The following ZNF92 variants were observed in gnomAD, a reference collection of about 807,000 sequenced individuals.
ZNF92 encodes the protein epididymis luminal protein 203.
A neutral mutation model predicts 12.4 loss-of-function variants in ZNF92; 11 were observed. The observed-to-expected ratio is 0.89, with a 90% CI of 0.56 to 1.47. The LOEUF is 1.47. Ranked by LOEUF, ZNF92 falls within the 40% of genes most tolerant of loss-of-function variation. The probability of loss-of-function intolerance (pLI) is 0.00; values close to 1 mark genes in which losing one functional copy is unlikely to be tolerated. For missense variants in ZNF92, 622 were observed against 681.0 expected (o/e 0.91, Z 0.96); for synonymous variants, 206 against 228.6 (o/e 0.90, Z 0.89).
intron 1 of ZNF92, among the ~76,000 whole-genome samples, chr7:65,387,353 G>C (rs1793597049): frequency 6.6e-6 from 1 of 151,924 alleles, no homozygotes; most frequent in Non-Finnish European, 1.5e-5. Flanking sequence ...GAAAATGAAG[G>C]CTCTCGTCTT....
chr7:65,390,475 A>G (rs992044967), intron 3 of ZNF92, among the ~76,000 whole-genome samples: 14 of 152,102 alleles, frequency 9.2e-5, no homozygotes, highest in Non-Finnish European at 4.4e-5. Context: ...CTGGGTTTGT[A>G]GTGGAGAGGG....
intron 3 of ZNF92, among the ~76,000 whole-genome samples, chr7:65,391,432 G>T (rs765503065): frequency 2.6e-5 from 4 of 152,036 alleles, no homozygotes; most frequent in Non-Finnish European, 5.9e-5. Flanking sequence ...CAATATGCTA[G>T]AATTTACATG....
At position 65,400,076 on chromosome 7, in the gene ZNF92, C is replaced by G. The variant is rs549225654; in HGVS notation, c.*201C>G. ...TAACCAATCCTCACACCTTATTGCA[C>G]AGGAAAGCATTTATACTTGAGAAAA... On this transcript the variant is annotated 3_prime_UTR_variant, in exon 4 of 4. Coordinates refer to ENST00000328747, the MANE Select transcript of ZNF92 (RefSeq NM_152626.4). The G allele has an allele frequency of 2.1e-6, 1 of 483,176 alleles. No homozygotes were observed. The highest frequency in any genetic ancestry group is 3.2e-5 in the East Asian group (1 of 30,848). The allele number at this position is 483,176 out of a possible 1,614,324, so 29.9% of individuals were successfully genotyped here.
intron 3 of ZNF92, among the ~76,000 whole-genome samples, chr7:65,393,072 G>C (rs750729940): frequency 4.6e-5 from 7 of 152,004 alleles, no homozygotes; most frequent in Non-Finnish European, 7.4e-5. Flanking sequence ...GTACATTTCA[G>C]GCATGTTGAC....
At chr7:65,379,858 C>T (rs377199996) in intron 1 of ZNF92, among the ~76,000 whole-genome samples, 14 of 152,112 alleles carry the variant, frequency 9.2e-5, no homozygotes, top group African/African-American at 2.9e-4. Flanking sequence ...CTCTCCCCCA[C>T]CCATGGATCT....
intron 1 of ZNF92, 122 bp downstream of exon 1, chr7:65,374,122 T>C: frequency 1.4e-6 from 2 of 1,382,110 alleles, no homozygotes; most frequent in South Asian, 1.2e-5. Context: ...GCCCGAGTTC[T>C]CCTTGGCGCA....
chr7:65,373,973 G>A lies in ZNF92; in HGVS notation c.-25G>A. 3.1e-6 allele frequency: 5 copies of A among 1,614,060 alleles called. No homozygotes were observed. The highest frequency in any genetic ancestry group is 4.2e-6 in the Non-Finnish European group (5 of 1,179,974). Reference sequence around the variant, plus strand: ...GAACTTGGAGGTTCACAGCTAAGACGCCAGGACCCCCTGGAAGCCTAGAAA... The same window carrying A: ...GAACTTGGAGGTTCACAGCTAAGACACCAGGACCCCCTGGAAGCCTAGAAA... On this transcript the variant is annotated 5_prime_UTR_variant, in exon 1 of 4. Transcript: ENST00000328747.
chr7:65,377,214 A>G (rs1793267174), intron 1 of ZNF92, among the ~76,000 whole-genome samples: 1 of 152,140 alleles, frequency 6.6e-6, no homozygotes, highest in East Asian at 1.9e-4. Context: ...TCAAAAACCA[A>G]GAGAATGACT....
chr7:65,393,014 A>C (rs1793757702), intron 3 of ZNF92, among the ~76,000 whole-genome samples: 1 of 152,088 alleles, frequency 6.6e-6, no homozygotes, highest in East Asian at 1.9e-4. Flanking sequence ...TAATTGTGCC[A>C]CTGCACTGCA....
chr7:65,377,172 G>A (rs1793265959), intron 1 of ZNF92, among the ~76,000 whole-genome samples: 1 of 152,098 alleles, frequency 6.6e-6, no homozygotes, highest in Admixed American at 6.6e-5. Context: ...CTGTGTTTGA[G>A]TAATTTTGCT....
intron 3 of ZNF92, among the ~76,000 whole-genome samples, chr7:65,391,898 G>A (rs1230743498): frequency 6.6e-6 from 1 of 152,024 alleles, no homozygotes; most frequent in African/African-American, 2.4e-5. Context: ...AAATATTGCA[G>A]TTATCTAGAC....
chr7:65,394,794 A>G (rs961732868), intron 3 of ZNF92, among the ~76,000 whole-genome samples: 8 of 151,486 alleles, frequency 5.3e-5, no homozygotes, highest in South Asian at 4.2e-4. Flanking sequence ...CAGGTGCCTG[A>G]CTCCACGCCC....
At chr7:65,374,201 G>C (rs1793174784) in intron 1 of ZNF92, among the ~76,000 whole-genome samples, 2 of 152,062 alleles carry the variant, frequency 1.3e-5, no homozygotes, top group South Asian at 4.2e-4. Context: ...CGGGCGTCCT[G>C]TCTCCTCCCT....
Position 65,399,704 on chromosome 7 carries a change from T to C in ZNF92, c.1590T>C (p.Ile530=). The C allele has an allele frequency of 6.2e-7, 1 of 1,613,278 alleles. No individual in the cohort carries two copies. Among genetic ancestry groups the C allele is most frequent in the Non-Finnish European group, 8.5e-7 (1 of 1,179,494 alleles). Residue 530 remains isoleucine (I), a synonymous_variant, in exon 4 of 4, where the codon ATT becomes ATC. Transcript: ENST00000328747. ...CAAACCTTACTGCACGTAAGATAAT[T>C]TATACTGGAGAGAAACCCTACAAAT... ...QSSNLTARKI[I]YTGEKPYKYE... is the part of the protein sequence containing the mutation.
chr7:65,394,483 T>C (rs1793799305), intron 3 of ZNF92, among the ~76,000 whole-genome samples: 1 of 152,120 alleles, frequency 6.6e-6, no homozygotes, highest in Admixed American at 6.6e-5. Context: ...GGAAGTATAA[T>C]GGCTGTTTGT....
intron 1 of ZNF92, among the ~76,000 whole-genome samples, chr7:65,385,632 A>G (rs544682189): frequency 2.4e-4 from 36 of 152,274 alleles, no homozygotes; most frequent in African/African-American, 7.0e-4. Context: ...CATTATCTCC[A>G]TAGAGCAGCT....
At chr7:65,382,993 G>A (rs879519416) in intron 1 of ZNF92, among the ~76,000 whole-genome samples, 22 of 152,030 alleles carry the variant, frequency 1.4e-4, no homozygotes, top group Non-Finnish European at 2.8e-4. Flanking sequence ...ATAATGCTAC[G>A]CTGAACACTA....
chr7:65,389,951 C>T (rs1325444582), intron 3 of ZNF92, among the ~76,000 whole-genome samples: 1 of 151,968 alleles, frequency 6.6e-6, no homozygotes, highest in Admixed American at 6.6e-5. Flanking sequence ...CCTGCCTCAG[C>T]CTGCCAAGTA....
chr7:65,394,532 C>T (rs1270111375), intron 3 of ZNF92, among the ~76,000 whole-genome samples: 1 of 152,004 alleles, frequency 6.6e-6, no homozygotes, highest in Non-Finnish European at 1.5e-5. Flanking sequence ...AGATTTTAAT[C>T]AAATTTTAAA....
Sources: allele counts gnomAD v4.1 joint callset (sites outside exome capture counted in the v4.1 genomes callset), GRCh38; gene constraint gnomAD v4.1.1; transcripts MANE v1.5; gene names NCBI Gene and HGNC (gene_info 2026-07-23, HGNC 2026-07-21).